SLC9D1: variants seen among roughly 807,000 people sequenced by gnomAD.
SLC9D1 encodes putative LAG1-interacting protein.
At chr13:113,529,171 A>G in the SLC9D1 span, 2 of 152,260 alleles carry the variant, frequency 1.3e-5, no homozygotes, top group Non-Finnish European at 2.9e-5. Flanking sequence ...TCCAATTCAA[A>G]AAATTAATGC....
the SLC9D1 span, among the ~76,000 whole-genome samples, chr13:113,494,148 T>TA: frequency 1.6e-4 from 24 of 152,216 alleles, no homozygotes; most frequent in African/African-American, 5.8e-4. Flanking sequence ...AATTCCTGAG[T>TA]AACAGTCCAT....
the SLC9D1 span, among the ~76,000 whole-genome samples, chr13:113,513,282 A>G: frequency 6.6e-6 from 1 of 152,306 alleles, no homozygotes; most frequent in African/African-American, 2.4e-5. Flanking sequence ...GGTAAAATGC[A>G]GGCATTTCTG....
chr13:113,518,765 C>T, the SLC9D1 span, among the ~76,000 whole-genome samples: 1 of 152,218 alleles, frequency 6.6e-6, no homozygotes, highest in Admixed American at 6.5e-5. Flanking sequence ...ATTTTATCAT[C>T]TCCTGAATCG....
chr13:113,531,712 C>T, the SLC9D1 span, among the ~76,000 whole-genome samples: 23 of 152,236 alleles, frequency 1.5e-4, no homozygotes, highest in Admixed American at 7.8e-4. Context: ...AAGAGCAGCA[C>T]GCACGTGGAC....
At chr13:113,533,232 C>A in the SLC9D1 span, among the ~76,000 whole-genome samples, 1 of 148,148 alleles carries the variant, frequency 6.8e-6, no homozygotes, top group Non-Finnish European at 1.5e-5. Flanking sequence ...GCTTCTGTGG[C>A]CGTTGTTGAT....
chr13:113,524,433 C>G, the SLC9D1 span, among the ~76,000 whole-genome samples: 3 of 152,278 alleles, frequency 2.0e-5, no homozygotes, highest in African/African-American at 7.2e-5. Flanking sequence ...CTCCTGGGTT[C>G]TAGTGATTCT....
At chr13:113,520,870 C>A in the SLC9D1 span, 1 of 670,080 alleles carries the variant, frequency 1.5e-6, no homozygotes, top group Non-Finnish European at 2.6e-6. Context: ...TGGAGCAACA[C>A]TGCCTTGCTC....
chr13:113,496,046 G>A, the SLC9D1 span: 1 of 1,545,500 alleles, frequency 6.5e-7, no homozygotes, highest in Non-Finnish European at 8.8e-7. Context: ...GAGAGGGAGA[G>A]AGAGAGAGAG....
the SLC9D1 span, chr13:113,501,683 TCAGC>T: frequency 1.5e-6 from 2 of 1,324,622 alleles, no homozygotes; most frequent in Non-Finnish European, 2.1e-6. Flanking sequence ...GTTCTGTGCC[TCAGC>T]CAGCCAGCCC....
the SLC9D1 span, chr13:113,503,367 GTGTGTGTGTGTGTGTGTA>G: frequency 1.6e-6 from 1 of 619,692 alleles, no homozygotes; most frequent in African/African-American, 1.8e-5. Flanking sequence ...GTGTGTGTGT[GTGTGTGTGTGTGTGTGTA>G]TGTGTGTTTT....
the SLC9D1 span, among the ~76,000 whole-genome samples, chr13:113,493,871 G>A: frequency 3.9e-5 from 6 of 152,144 alleles, no homozygotes; most frequent in Non-Finnish European, 8.8e-5. Context: ...CGAGTCATCT[G>A]GCCTCCAGGC....
chr13:113,510,791 A>C, the SLC9D1 span, among the ~76,000 whole-genome samples: 202 of 152,354 alleles, frequency 1.3e-3, 2 homozygotes, highest in African/African-American at 4.7e-3. Context: ...AGGCACTGGG[A>C]ATTGATACAC....
At chr13:113,496,167 G>A in the SLC9D1 span, 1 of 629,250 alleles carries the variant, frequency 1.6e-6, no homozygotes, top group Non-Finnish European at 2.7e-6. Flanking sequence ...CGTGAATGCT[G>A]CTGATGTCGC....
the SLC9D1 span, among the ~76,000 whole-genome samples, chr13:113,512,547 G>A: frequency 6.6e-6 from 1 of 151,934 alleles, no homozygotes; most frequent in Non-Finnish European, 1.5e-5. Context: ...GAGAGGGTCA[G>A]TGTACATAGA....
chr13:113,492,436 A>G, the SLC9D1 span, among the ~76,000 whole-genome samples: 3 of 152,228 alleles, frequency 2.0e-5, no homozygotes, highest in Non-Finnish European at 2.9e-5. Context: ...AAACCATAGT[A>G]TATGTGGGGA....
the SLC9D1 span, among the ~76,000 whole-genome samples, chr13:113,493,944 G>A: frequency 3.3e-5 from 5 of 152,214 alleles, no homozygotes; most frequent in Non-Finnish European, 5.9e-5. Flanking sequence ...CCATTTCATG[G>A]TTTGGGCAGA....
At chr13:113,516,600 T>C in the SLC9D1 span, among the ~76,000 whole-genome samples, 1 of 151,682 alleles carries the variant, frequency 6.6e-6, no homozygotes. Context: ...GAAAAGAAAT[T>C]TGTATATAGC....
At chr13:113,506,506 C>T in the SLC9D1 span, among the ~76,000 whole-genome samples, 1 of 151,952 alleles carries the variant, frequency 6.6e-6, no homozygotes, top group Admixed American at 6.6e-5. Context: ...CACGAGACTC[C>T]GTAAAAACAC....
chr13:113,547,531 G>C, the SLC9D1 span: 2 of 641,712 alleles, frequency 3.1e-6, no homozygotes, highest in Non-Finnish European at 5.6e-6. Context: ...TGGACCCCGG[G>C]GGAGGCAGAT....
Sources: gnomAD v4.1 joint callset for allele counts (sites outside exome capture counted in the v4.1 genomes callset) on GRCh38, gnomAD v4.1.1 for gene constraint, MANE v1.5 for transcripts, NCBI Gene and HGNC (gene_info 2026-07-23, HGNC 2026-07-21) for gene names.